Variants in COLQ observed in about 807,000 individuals in gnomAD.
COLQ encodes the protein acetylcholinesterase collagenic tail peptide.
COLQ carries 48 observed loss-of-function variants against 69.0 expected under a neutral mutation model. The observed-to-expected ratio is 0.70, with a 90% CI of 0.55 to 0.88. The LOEUF (loss-of-function observed/expected upper bound fraction) is 0.88. Among genes scored for constraint, COLQ ranks in the 40% least tolerant of loss-of-function variants. The pLI is 0.00. For synonymous variants in COLQ, 217 were observed against 211.2 expected (o/e 1.03, Z -0.24); for missense variants, 618 against 594.6 (o/e 1.04, Z -0.41).
At chr3:15,464,233 T>G (rs1266663180) in intron 12 of COLQ, among the ~76,000 whole-genome samples, 1 of 152,146 alleles carries the variant, frequency 6.6e-6, no homozygotes, top group Non-Finnish European at 1.5e-5. Context: ...GAAAGAATGG[T>G]TGTGGGGTGC....
At chr3:15,498,647 T>C in intron 1 of COLQ, 2 of 1,551,102 alleles carry the variant, frequency 1.3e-6, no homozygotes, top group Non-Finnish European at 1.7e-6. Flanking sequence ...AGGCTGAGAT[T>C]CGTCACGCCT....
intron 7 of COLQ, 115 bp from the exon 8 acceptor site, chr3:15,475,066 T>G: frequency 8.8e-7 from 1 of 1,130,262 alleles, no homozygotes; most frequent in Non-Finnish European, 1.3e-6. Context: ...CATTGCACTG[T>G]GAGTTTTAGT....
chr3:15,477,208 C>A lies in COLQ; in HGVS notation c.394-11G>T, dbSNP rs749685757. 1 of 1,603,148 alleles carries A rather than the reference C, an allele frequency of 6.2e-7. No homozygotes were observed. The highest frequency in any genetic ancestry group is 8.5e-7 in the Non-Finnish European group (1 of 1,175,130). On this transcript the variant is annotated splice_polypyrimidine_tract_variant and intron_variant, in intron 5 of 16. Coordinates refer to ENST00000383788, the MANE Select transcript of COLQ (RefSeq NM_005677.4). The stretch of plus-strand genomic sequence containing the variant: ...GGGGCCAGGTCTACCCTTCAAAGAC[C>A]AAGAACAAAAGTCAGGGCAACTGGG...
chr3:15,477,955 G>C (rs779195677), intron 5 of COLQ, among the ~76,000 whole-genome samples: 1 of 152,218 alleles, frequency 6.6e-6, no homozygotes, highest in African/African-American at 2.4e-5. Context: ...CCCTGCAAGA[G>C]AGAGTGGGTG....
chr3:15,451,488 A>G lies in COLQ; in HGVS notation c.*156T>C, dbSNP rs752112752. On this transcript the variant is annotated 3_prime_UTR_variant, in exon 17 of 17. Transcript: ENST00000383788. ...GCAGTGGTCCTAAATTCTTCCAGTC[A>G]GACTGAGTTAACAGCATGTCTTAGT... The G allele has an allele frequency of 2.6e-6, 2 of 781,222 alleles. No individual in the cohort carries two copies. The highest frequency in any genetic ancestry group is 4.6e-6 in the Non-Finnish European group (2 of 430,696). The allele number at this position is 781,222 out of a possible 1,614,324, so 48.4% of individuals were successfully genotyped here.
Position 15,458,242 on chromosome 3 carries a change from T to G in COLQ, c.898A>C (p.Asn300His). 1 of 1,614,136 alleles carries G rather than the reference T, an allele frequency of 6.2e-7. No individual in the cohort carries two copies. The change falls in exon 13 of 17, where the codon AAT (asparagine) becomes CAT (histidine). Residue 300 changes from asparagine to histidine, a missense_variant. Coordinates refer to ENST00000383788, the MANE Select transcript of COLQ (RefSeq NM_005677.4). The part of the protein sequence containing the change: ...RCLCGPTMNV[N>H]NPSYGESVYG... ...ACAGATTCCCCGTAGGAAGGGTTATTCACATTCATAGTGGGTCCACAAAGA... is the reference window on the plus strand; with the variant it reads ...ACAGATTCCCCGTAGGAAGGGTTATGCACATTCATAGTGGGTCCACAAAGA...
At chr3:15,475,901 T>C (rs575960897) in intron 6 of COLQ, among the ~76,000 whole-genome samples, 90 of 152,300 alleles carry the variant, frequency 5.9e-4, no homozygotes, top group Admixed American at 1.6e-3. Context: ...TCAGAATGAT[T>C]TGTGGTTGGG....
At chr3:15,477,274 G>C in intron 5 of COLQ, 77 bp from the exon 6 acceptor site, 1 of 1,344,798 alleles carries the variant, frequency 7.4e-7, no homozygotes, top group Non-Finnish European at 1.0e-6. Flanking sequence ...TGTCTCTGGG[G>C]CCCAGAGGAG....
At chr3:15,500,445 A>C (rs1259679936) in intron 1 of COLQ, among the ~76,000 whole-genome samples, 1 of 152,118 alleles carries the variant, frequency 6.6e-6, no homozygotes, top group Non-Finnish European at 1.5e-5. Flanking sequence ...AAAAGCACTT[A>C]CTGTGTTTTT....
intron 1 of COLQ, among the ~76,000 whole-genome samples, chr3:15,492,610 T>C (rs1014718831): frequency 7.3e-5 from 11 of 150,752 alleles, no homozygotes; most frequent in Non-Finnish European, 1.3e-4. Flanking sequence ...GAGCTTGCAG[T>C]GAGCCGAGAT....
At chr3:15,513,463 G>T (rs116713976) in intron 1 of COLQ, among the ~76,000 whole-genome samples, 1 of 152,160 alleles carries the variant, frequency 6.6e-6, no homozygotes, top group Non-Finnish European at 1.5e-5. Flanking sequence ...AGGAAGAAGA[G>T]AGTGGTGAAA....
At chr3:15,483,177 AT>A (rs1463185530) in intron 3 of COLQ, among the ~76,000 whole-genome samples, 7 of 151,854 alleles carry the variant, frequency 4.6e-5, no homozygotes, top group Admixed American at 6.6e-5. Context: ...GGATTCATTG[AT>A]TTTTTTGAAG....
At chr3:15,500,000 T>TA (rs2062810013) in intron 1 of COLQ, among the ~76,000 whole-genome samples, 1 of 152,036 alleles carries the variant, frequency 6.6e-6, no homozygotes, top group South Asian at 2.1e-4. Flanking sequence ...TTGTATAAGG[T>TA]AAAAAAAGAA....
intron 11 of COLQ, among the ~76,000 whole-genome samples, chr3:15,469,789 T>C (rs1411373023): frequency 1.3e-5 from 2 of 152,232 alleles, no homozygotes; most frequent in Non-Finnish European, 2.9e-5. Flanking sequence ...TTGCACCTGA[T>C]GTGGGGGATC....
At chr3:15,457,768 G>A (rs57630536) in intron 13 of COLQ, among the ~76,000 whole-genome samples, 2,978 of 152,020 alleles carry the variant, frequency 0.02, 91 homozygotes, top group African/African-American at 0.066. Context: ...GTGCACCACC[G>A]CGCCCGGCTA....
intron 12 of COLQ, among the ~76,000 whole-genome samples, chr3:15,460,576 C>T (rs1458669168): frequency 6.6e-6 from 1 of 152,096 alleles, no homozygotes; most frequent in Non-Finnish European, 1.5e-5. Flanking sequence ...CTGGCCAGGA[C>T]CCCAGGGAAA....
At chr3:15,459,417 G>A (rs1559513193) in intron 12 of COLQ, among the ~76,000 whole-genome samples, 1 of 151,100 alleles carries the variant, frequency 6.6e-6, no homozygotes, top group Non-Finnish European at 1.5e-5. Context: ...AACCTAGGCA[G>A]CATCCACACT....
chr3:15,493,822 G>A (rs913735528), intron 1 of COLQ, among the ~76,000 whole-genome samples: 3 of 152,354 alleles, frequency 2.0e-5, no homozygotes, highest in Non-Finnish European at 2.9e-5. Flanking sequence ...GGTGGCTCAC[G>A]CCTGTAATCC....
Position 15,451,620 on chromosome 3 carries a change from C to T in COLQ, c.*24G>A, listed in dbSNP as rs774910654. Reference sequence around the variant, plus strand: ...AAGCTGCTGCCAGTTCTGTGGGGCGCAGCCCACCTTCTCCTCACGGCCCTC... The same window carrying T: ...AAGCTGCTGCCAGTTCTGTGGGGCGTAGCCCACCTTCTCCTCACGGCCCTC... On this transcript the variant is annotated 3_prime_UTR_variant, in exon 17 of 17. Transcript: ENST00000383788. 6.2e-7 allele frequency: 1 copy of T among 1,612,048 alleles called. No homozygotes were observed. The highest frequency in any genetic ancestry group is 1.1e-5 in the South Asian group (1 of 91,046).
Sources: allele counts gnomAD v4.1 joint callset (sites outside exome capture counted in the v4.1 genomes callset), GRCh38; gene constraint gnomAD v4.1.1; transcripts MANE v1.5; gene names NCBI Gene and HGNC (gene_info 2026-07-23, HGNC 2026-07-21).